The following IMMP1L variants were observed in gnomAD, a reference collection of about 807,000 sequenced individuals.
IMMP1L encodes the protein inner mitochondrial membrane peptidase subunit 1.
A neutral mutation model predicts 21.8 loss-of-function variants in IMMP1L; 24 were observed. That is an observed-to-expected ratio of 1.10 (90% confidence interval 0.80 to 1.55). IMMP1L has a LOEUF of 1.55. IMMP1L is among the 40% of genes most tolerant of loss of function. IMMP1L has a pLI of 0.00. For synonymous variants in IMMP1L, 46 were observed against 62.8 expected (o/e 0.73, Z 1.26); for missense variants, 195 against 200.7 (o/e 0.97, Z 0.17).
intron 1 of IMMP1L, among the ~76,000 whole-genome samples, chr11:31,494,388 C>A (rs967166379): frequency 6.6e-6 from 1 of 152,244 alleles, no homozygotes; most frequent in East Asian, 1.9e-4. Flanking sequence ...GCTGACACAG[C>A]TGGGATGCAG....
chr11:31,505,050 C>T (rs1443215842), intron 1 of IMMP1L, among the ~76,000 whole-genome samples: 1 of 152,190 alleles, frequency 6.6e-6, no homozygotes, highest in Non-Finnish European at 1.5e-5. Flanking sequence ...CCGTAGTGAA[C>T]CTTCACAGTA....
intron 5 of IMMP1L, 107 bp downstream of exon 5, chr11:31,433,353 G>A: frequency 1.6e-6 from 1 of 612,198 alleles, no homozygotes; most frequent in Non-Finnish European, 2.7e-6. Flanking sequence ...AATATATTCG[G>A]TGCAACAGTT....
chr11:31,462,838 G>A (rs940313474), intron 2 of IMMP1L, among the ~76,000 whole-genome samples: 6 of 152,178 alleles, frequency 3.9e-5, no homozygotes, highest in African/African-American at 1.4e-4. Flanking sequence ...AAATGAGTTA[G>A]TAAGTGTAAA....
At chr11:31,494,659 T>G (rs1009201637) in intron 1 of IMMP1L, among the ~76,000 whole-genome samples, 2 of 152,034 alleles carry the variant, frequency 1.3e-5, no homozygotes, top group Non-Finnish European at 2.9e-5. Context: ...TTTTTTTTTT[T>G]GAAAAGTAGT....
At chr11:31,497,389 A>C (rs1046076042) in intron 1 of IMMP1L, among the ~76,000 whole-genome samples, 2 of 152,078 alleles carry the variant, frequency 1.3e-5, no homozygotes, top group Non-Finnish European at 2.9e-5. Flanking sequence ...CTGAGAGTAG[A>C]ATACAGGTTA....
intron 1 of IMMP1L, among the ~76,000 whole-genome samples, chr11:31,499,537 C>T (rs1361217898): frequency 6.6e-6 from 1 of 152,052 alleles, no homozygotes; most frequent in Non-Finnish European, 1.5e-5. Flanking sequence ...TTGGATGGAG[C>T]GAATGACAGT....
rs577343618 is a variant in IMMP1L at position 31,450,403 on chromosome 11, C to T, written c.321+5857G>A. Among the ~76,000 whole-genome samples the T allele has an allele frequency of 1.1e-4, 14 of 126,458 alleles. No homozygotes were observed. In the East Asian group the frequency reaches 2.0e-3, roughly 18 times the overall value. The allele number at this position is 126,458 out of a possible 152,430, so 83.0% of individuals were successfully genotyped here. ...TCAATTCCCCCAATACTTTAGGAGA[C>T]TTAATCTTAACTAAGTTCAGTATTC... On this transcript the variant is annotated intron_variant, in intron 4 of 5. Transcript: ENST00000532287.
At chr11:31,503,848 G>T (rs138213169) in intron 1 of IMMP1L, among the ~76,000 whole-genome samples, 1 of 152,176 alleles carries the variant, frequency 6.6e-6, no homozygotes, top group Non-Finnish European at 1.5e-5. Flanking sequence ...CTCAAATTCT[G>T]AGAGAAAGAA....
intron 1 of IMMP1L, among the ~76,000 whole-genome samples, chr11:31,482,185 T>C (rs868125623): frequency 6.6e-6 from 1 of 152,074 alleles, no homozygotes; most frequent in Non-Finnish European, 1.5e-5. Flanking sequence ...AGATACAAAC[T>C]GAGTCCAAAA....
At chr11:31,447,049 C>T (rs1227144225) in intron 4 of IMMP1L, among the ~76,000 whole-genome samples, 1 of 152,184 alleles carries the variant, frequency 6.6e-6, no homozygotes, top group Non-Finnish European at 1.5e-5. Flanking sequence ...AGGATATTTC[C>T]ATTATTTCAG....
At chr11:31,487,724 C>CA (rs528907903) in intron 1 of IMMP1L, among the ~76,000 whole-genome samples, 1 of 151,956 alleles carries the variant, frequency 6.6e-6, no homozygotes, top group South Asian at 2.1e-4. Context: ...ACTTACATTA[C>CA]AAAAAAACCC....
At chr11:31,495,891 G>A (rs1386119214) in intron 1 of IMMP1L, among the ~76,000 whole-genome samples, 1 of 152,044 alleles carries the variant, frequency 6.6e-6, no homozygotes, top group Admixed American at 6.6e-5. Context: ...AACCTAAATG[G>A]AAGAGCTAAA....
At chr11:31,487,355 G>T (rs969557630) in intron 1 of IMMP1L, among the ~76,000 whole-genome samples, 1 of 152,040 alleles carries the variant, frequency 6.6e-6, no homozygotes, top group African/African-American at 2.4e-5. Flanking sequence ...TTCTTTTCAA[G>T]AAAATGCATG....
intron 1 of IMMP1L, among the ~76,000 whole-genome samples, chr11:31,481,101 C>T (rs1954879095): frequency 6.6e-6 from 1 of 152,056 alleles, no homozygotes; most frequent in South Asian, 2.1e-4. Flanking sequence ...GGGCTTGGAA[C>T]AAAAAGGCCA....
intron 1 of IMMP1L, among the ~76,000 whole-genome samples, chr11:31,485,443 T>C (rs1038781252): frequency 6.6e-6 from 1 of 151,882 alleles, no homozygotes; most frequent in Non-Finnish European, 1.5e-5. Context: ...TGCATATATA[T>C]TAGACAGAAA....
chr11:31,434,409 A>G (rs1015245976), intron 4 of IMMP1L, among the ~76,000 whole-genome samples: 3 of 152,166 alleles, frequency 2.0e-5, no homozygotes, highest in Non-Finnish European at 2.9e-5. Context: ...TTCCAGCAAC[A>G]ATCTTTAAAA....
intron 1 of IMMP1L, among the ~76,000 whole-genome samples, chr11:31,478,189 G>C (rs745517439): frequency 5.9e-5 from 9 of 152,190 alleles, no homozygotes; most frequent in Non-Finnish European, 1.2e-4. Flanking sequence ...GCCTGGTTTT[G>C]TATAGACAGC....
At chr11:31,498,300 T>G (rs1332753999) in intron 1 of IMMP1L, among the ~76,000 whole-genome samples, 2 of 152,174 alleles carry the variant, frequency 1.3e-5, no homozygotes, top group Non-Finnish European at 2.9e-5. Context: ...TCTAAAGGTT[T>G]TAAGAAGGAA....
chr11:31,495,245 T>A (rs762964860), intron 1 of IMMP1L, among the ~76,000 whole-genome samples: 3 of 152,218 alleles, frequency 2.0e-5, no homozygotes, highest in Non-Finnish European at 4.4e-5. Context: ...CTTTCCCACA[T>A]CTTCGTGTCT....
Sources: gnomAD v4.1 joint callset for allele counts (sites outside exome capture counted in the v4.1 genomes callset) on GRCh38, gnomAD v4.1.1 for gene constraint, MANE v1.5 for transcripts, NCBI Gene and HGNC (gene_info 2026-07-23, HGNC 2026-07-21) for gene names.